ATG10: variants seen among roughly 807,000 people sequenced by gnomAD.
ATG10 encodes the protein autophagy related 10.
A neutral mutation model predicts 32.1 loss-of-function variants in ATG10; 30 were observed. That is an observed-to-expected ratio of 0.94 (90% CI 0.70 to 1.27). ATG10 has a LOEUF of 1.27. Among genes scored for constraint, ATG10 ranks in the 50% most tolerant of loss-of-function variants. The pLI, the probability that ATG10 is intolerant of heterozygous loss-of-function variation, is 0.00. For synonymous variants in ATG10, 87 were observed against 91.5 expected, an observed-to-expected ratio of 0.95 and a Z score of 0.28; for missense variants, 233 against 262.3, an observed-to-expected ratio of 0.89 and a Z score of 0.77.
At chr5:82,064,298 A>G (rs1351807564) in intron 3 of ATG10, among the ~76,000 whole-genome samples, 1 of 152,158 alleles carries the variant, frequency 6.6e-6, no homozygotes, top group Non-Finnish European at 1.5e-5. Flanking sequence ...GTTTAGGTAA[A>G]ATACATCATC....
At chr5:82,004,744 C>A (rs2149687181) in intron 2 of ATG10, among the ~76,000 whole-genome samples, 1 of 152,328 alleles carries the variant, frequency 6.6e-6, no homozygotes, top group Middle Eastern at 3.4e-3. Context: ...TGAGTCCACT[C>A]ATCATGCACT....
At chr5:82,186,835 G>T (rs903707051) in intron 5 of ATG10, among the ~76,000 whole-genome samples, 1 of 152,094 alleles carries the variant, frequency 6.6e-6, no homozygotes, top group Non-Finnish European at 1.5e-5. Context: ...GCCAGCCTTG[G>T]CCTCCCAAAG....
chr5:82,164,808 C>G (rs1199121719), intron 4 of ATG10, among the ~76,000 whole-genome samples: 1 of 151,938 alleles, frequency 6.6e-6, no homozygotes, highest in African/African-American at 2.4e-5. Flanking sequence ...TTTTTCTTTT[C>G]TTTACTTTAA....
intron 3 of ATG10, among the ~76,000 whole-genome samples, chr5:82,081,137 G>A: frequency 6.6e-6 from 1 of 152,150 alleles, no homozygotes; most frequent in Non-Finnish European, 1.5e-5. Flanking sequence ...GTGAATGGGA[G>A]TTCACTCATG....
chr5:82,058,622 A>T lies in ATG10; in HGVS notation c.216+20A>T. ...ATGGAGGTGAGTAGTTTAATGCATC[A>T]TGTTCTTTTCAGTCTCCGTAAAGTA... On this transcript the variant is annotated intron_variant, in intron 3 of 7. Coordinates refer to ENST00000282185, the MANE Select transcript of ATG10 (RefSeq NM_031482.5). 2 of 1,512,748 alleles carry T rather than the reference A, an allele frequency of 1.3e-6. No homozygotes were observed. Among genetic ancestry groups the T allele is most frequent in the Non-Finnish European group, 1.8e-6 (2 of 1,091,432 alleles). The allele number at this position is 1,512,748 out of a possible 1,614,324, so 93.7% of individuals were successfully genotyped here.
chr5:82,144,247 A>T (rs1767260083), intron 3 of ATG10, among the ~76,000 whole-genome samples: 1 of 151,762 alleles, frequency 6.6e-6, no homozygotes, highest in African/African-American at 2.4e-5. Context: ...GAGGTTCATC[A>T]GTTCAATTAA....
intron 2 of ATG10, among the ~76,000 whole-genome samples, chr5:82,019,854 TTAATA>T: frequency 6.6e-6 from 1 of 152,308 alleles, no homozygotes; most frequent in Non-Finnish European, 1.5e-5. Flanking sequence ...TTCAACCTGT[TTAATA>T]TGATCACTTC....
chr5:81,982,295 A>T (rs1761071122), intron 1 of ATG10, among the ~76,000 whole-genome samples: 1 of 152,146 alleles, frequency 6.6e-6, no homozygotes, highest in Non-Finnish European at 1.5e-5. Flanking sequence ...GTGAAACCCC[A>T]TCTCTACTAA....
At chr5:82,133,048 G>A (rs1191530610) in intron 3 of ATG10, among the ~76,000 whole-genome samples, 1 of 152,136 alleles carries the variant, frequency 6.6e-6, no homozygotes, top group East Asian at 1.9e-4. Flanking sequence ...CTTTTGAGGA[G>A]TGTCTGTTAA....
At chr5:82,007,172 T>C (rs1178972995) in intron 2 of ATG10, among the ~76,000 whole-genome samples, 1 of 152,198 alleles carries the variant, frequency 6.6e-6, no homozygotes, top group Non-Finnish European at 1.5e-5. Context: ...CAAGGTTCAT[T>C]CATTATTTCT....
chr5:82,241,516 C>T (rs2150019423), intron 5 of ATG10, among the ~76,000 whole-genome samples: 1 of 152,282 alleles, frequency 6.6e-6, no homozygotes, highest in Middle Eastern at 3.4e-3. Flanking sequence ...TCTGGTCTTA[C>T]TTCCACTGTC....
intron 7 of ATG10, among the ~76,000 whole-genome samples, chr5:82,253,673 GC>G (rs912967639): frequency 3.9e-5 from 6 of 152,180 alleles, no homozygotes; most frequent in Admixed American, 2.0e-4. Flanking sequence ...GGGCAAGCAA[GC>G]GAGCATTACC....
rs1001594993 is a variant in ATG10 at position 82,058,563 on chromosome 5, A to G, written c.177A>G (p.Leu59=). Residue 59 remains leucine (L), a synonymous_variant, in exon 3 of 8, where the codon CTA becomes CTG. Coordinates refer to ENST00000282185, the MANE Select transcript of ATG10 (RefSeq NM_031482.5). ...AGAATGGGTCTGTGATGTCACATCT[A>G]GGAGCATCTACCCATGGACAGACAT... ...QIKNGSVMSH[L]GASTHGQTCL... 6.2e-7 allele frequency: 1 copy of G among 1,613,218 alleles called. No homozygotes were observed. The highest frequency in any genetic ancestry group is 1.3e-5 in the African/African-American group (1 of 74,998).
intron 3 of ATG10, among the ~76,000 whole-genome samples, chr5:82,139,002 G>A (rs1375752276): frequency 6.6e-6 from 1 of 150,732 alleles, no homozygotes; most frequent in Non-Finnish European, 1.5e-5. Context: ...GCAGGCACGC[G>A]CCGCCACGCC....
At chr5:82,082,870 G>T (rs533455200) in intron 3 of ATG10, among the ~76,000 whole-genome samples, 1 of 152,230 alleles carries the variant, frequency 6.6e-6, no homozygotes, top group East Asian at 1.9e-4. Flanking sequence ...AAAAATACTG[G>T]GGGGAAGGTT....
chr5:82,012,963 T>TC (rs1247749951), intron 2 of ATG10, among the ~76,000 whole-genome samples: 1 of 151,028 alleles, frequency 6.6e-6, no homozygotes, highest in African/African-American at 2.4e-5. Flanking sequence ...ATTCTTTCAT[T>TC]CTTTTTTTTT....
intron 2 of ATG10, among the ~76,000 whole-genome samples, chr5:82,026,505 G>A (rs969346111): frequency 1.3e-5 from 2 of 151,928 alleles, no homozygotes; most frequent in African/African-American, 4.8e-5. Context: ...TAGAACATAT[G>A]TATAATTATT....
chr5:82,101,266 C>A (rs1228262194), intron 3 of ATG10, among the ~76,000 whole-genome samples: 1 of 152,144 alleles, frequency 6.6e-6, no homozygotes, highest in Non-Finnish European at 1.5e-5. Flanking sequence ...ATGATTATTT[C>A]CATCCTCAAG....
intron 3 of ATG10, chr5:82,073,202 C>A (rs1764180029): frequency 6.6e-6 from 1 of 152,188 alleles, no homozygotes; most frequent in African/African-American, 2.4e-5. Flanking sequence ...CACATGCATA[C>A]CTGAAACCAA....
Sources: allele counts gnomAD v4.1 joint callset (sites outside exome capture counted in the v4.1 genomes callset), GRCh38; gene constraint gnomAD v4.1.1; transcripts MANE v1.5; gene names NCBI Gene and HGNC (gene_info 2026-07-23, HGNC 2026-07-21).